DSG4: variants seen among roughly 807,000 people sequenced by gnomAD.
DSG4 encodes desmoglein-4.
A neutral mutation model predicts 93.1 loss-of-function variants in DSG4; 87 were observed. That is an observed-to-expected ratio of 0.93 (90% confidence interval 0.79 to 1.12). The LOEUF is 1.12. DSG4 is among the 50% of genes most tolerant of loss of function. The pLI is 0.00. For missense variants in DSG4, 1,373 were observed against 1,285.7 expected (o/e 1.07, Z -1.04); for synonymous variants, 432 against 452.9 (o/e 0.95, Z 0.59).
intron 5 of DSG4, among the ~76,000 whole-genome samples, chr18:31,389,702 C>CTGT (rs1409187073): frequency 6.6e-6 from 1 of 152,136 alleles, no homozygotes; most frequent in Non-Finnish European, 1.5e-5. Context: ...CCCCAAACCC[C>CTGT]TGTTGTCCCT....
At chr18:31,393,679 T>C (rs959506453) in intron 8 of DSG4, among the ~76,000 whole-genome samples, 2 of 152,160 alleles carry the variant, frequency 1.3e-5, no homozygotes, top group Non-Finnish European at 2.9e-5. Context: ...GTGACAGACA[T>C]CCAAACCATA....
chr18:31,388,590 T>G, intron 4 of DSG4, 68 bp downstream of exon 4: 2 of 1,582,520 alleles, frequency 1.3e-6, no homozygotes, highest in Non-Finnish European at 1.7e-6. Flanking sequence ...AAATATTATC[T>G]TAAGATAATG....
chr18:31,376,874 A>C lies in DSG4; in HGVS notation c.-38A>C. The C allele has an allele frequency of 6.2e-7, 1 of 1,612,668 alleles. No individual in the cohort carries two copies. The highest frequency in any genetic ancestry group is 8.5e-7 in the Non-Finnish European group (1 of 1,179,014). ...ACTGAGAAGACGAGGGCTCAAATTG[A>C]ATCTCACAGGATTTGCGTGCAAGAG... On this transcript the variant is annotated 5_prime_UTR_variant, in exon 1 of 16. Coordinates refer to ENST00000308128, the MANE Select transcript of DSG4 (RefSeq NM_177986.5).
At chr18:31,388,635 A>T in intron 4 of DSG4, 113 bp downstream of exon 4, 1 of 1,431,458 alleles carries the variant, frequency 7.0e-7, no homozygotes, top group South Asian at 1.2e-5. Context: ...GACTGAACCC[A>T]AATAGAAGAC....
intron 1 of DSG4, among the ~76,000 whole-genome samples, chr18:31,378,531 A>G (rs1266039912): frequency 5.3e-5 from 8 of 152,166 alleles, no homozygotes; most frequent in Non-Finnish European, 1.0e-4. Context: ...TTGATCTTGA[A>G]AGAGTATTAT....
At chr18:31,397,467 C>G (rs1374738322) in intron 8 of DSG4, among the ~76,000 whole-genome samples, 1 of 152,110 alleles carries the variant, frequency 6.6e-6, no homozygotes, top group Non-Finnish European at 1.5e-5. Flanking sequence ...TCAGAAAATC[C>G]TGACTAAAGG....
intron 7 of DSG4, among the ~76,000 whole-genome samples, chr18:31,391,458 C>A (rs765382170): frequency 5.3e-5 from 8 of 152,116 alleles, no homozygotes; most frequent in Non-Finnish European, 1.5e-5. Context: ...ATTCTGTATA[C>A]TCTATTCACA....
At chr18:31,405,420 A>G (rs949023870) in intron 11 of DSG4, among the ~76,000 whole-genome samples, 3 of 152,120 alleles carry the variant, frequency 2.0e-5, no homozygotes, top group African/African-American at 7.2e-5. Context: ...TCAGCTCAAT[A>G]TTATTTATTC....
chr18:31,390,310 C>A (rs772407714), intron 5 of DSG4, among the ~76,000 whole-genome samples: 2 of 152,014 alleles, frequency 1.3e-5, no homozygotes, highest in Non-Finnish European at 2.9e-5. Context: ...TTTCACAAGA[C>A]CATGGCAAAA....
At chr18:31,411,093 G>T in intron 14 of DSG4, 138 bp from the exon 15 acceptor site, 2 of 1,578,722 alleles carry the variant, frequency 1.3e-6, no homozygotes, top group Non-Finnish European at 1.7e-6. Context: ...GGTGTAACTT[G>T]TATCTCTCTT....
At chr18:31,411,849 G>A (rs1032150199) in intron 15 of DSG4, among the ~76,000 whole-genome samples, 1 of 152,038 alleles carries the variant, frequency 6.6e-6, no homozygotes, top group African/African-American at 2.4e-5. Context: ...GCCTCCAACA[G>A]AAAAGAGAAA....
intron 8 of DSG4, among the ~76,000 whole-genome samples, chr18:31,397,312 T>C (rs2072316270): frequency 6.6e-6 from 1 of 152,154 alleles, no homozygotes; most frequent in African/African-American, 2.4e-5. Flanking sequence ...CACACGCCTG[T>C]GTACCTTGTT....
intron 10 of DSG4, among the ~76,000 whole-genome samples, chr18:31,403,173 G>A (rs554676254): frequency 6.6e-5 from 10 of 152,258 alleles, no homozygotes; most frequent in African/African-American, 2.2e-4. Context: ...AGGGTGAAAA[G>A]AATGTGCCAG....
intron 1 of DSG4, among the ~76,000 whole-genome samples, chr18:31,380,314 G>A (rs932808223): frequency 3.3e-5 from 5 of 152,090 alleles, no homozygotes; most frequent in African/African-American, 7.2e-5. Context: ...TCCTGAGTAC[G>A]TAGTCTGACT....
intron 14 of DSG4, among the ~76,000 whole-genome samples, chr18:31,410,175 T>C (rs1405308898): frequency 6.6e-6 from 1 of 152,158 alleles, no homozygotes; most frequent in Non-Finnish European, 1.5e-5. Flanking sequence ...AGGAGCATTT[T>C]GGATTCTTGA....
chr18:31,398,284 G>T lies in DSG4; in HGVS notation c.1006-988G>T, dbSNP rs919980558. Among the ~76,000 whole-genome samples the T allele has an allele frequency of 1.7e-4, 26 of 152,124 alleles. 1 individual carries two copies. Among genetic ancestry groups the T allele is most frequent in the African/African-American group, 6.3e-4 (26 of 41,438 alleles). On this transcript the variant is annotated intron_variant, in intron 8 of 15. Coordinates refer to ENST00000308128, the MANE Select transcript of DSG4 (RefSeq NM_177986.5). ...AAGGAATCAAAATCTCAAACCTCAA[G>T]GGTTTTGGCTGAAATTCAAGCACGG...
intron 14 of DSG4, 95 bp from the exon 15 acceptor site, chr18:31,411,136 T>G (rs1193208269): frequency 6.2e-7 from 1 of 1,612,900 alleles, no homozygotes; most frequent in Non-Finnish European, 8.5e-7. Flanking sequence ...CCTTGCCGGG[T>G]GGTGGTGGCA....
chr18:31,409,387 T>C (rs923408399), intron 12 of DSG4, 65 bp from the exon 13 acceptor site: 27 of 1,611,420 alleles, frequency 1.7e-5, no homozygotes, highest in Non-Finnish European at 2.0e-5. Flanking sequence ...CCCAGAATGA[T>C]TCATCCAGTG....
intron 12 of DSG4, 61 bp from the exon 13 acceptor site, chr18:31,409,391 T>G (rs1305690308): frequency 1.9e-6 from 3 of 1,612,158 alleles, no homozygotes; most frequent in African/African-American, 1.3e-5. Flanking sequence ...GAATGATTCA[T>G]CCAGTGACTT....
Sources: allele counts gnomAD v4.1 joint callset (sites outside exome capture counted in the v4.1 genomes callset), GRCh38; gene constraint gnomAD v4.1.1; transcripts MANE v1.5; gene names NCBI Gene and HGNC (gene_info 2026-07-23, HGNC 2026-07-21).